HMGB1: variants seen among roughly 807,000 people sequenced by gnomAD.
The protein encoded by HMGB1 is high mobility group protein B1.
For missense variants in HMGB1, 79 were observed against 253.5 expected (o/e 0.31, Z 4.67); for synonymous variants, 81 against 84.0 (o/e 0.96, Z 0.19).
At chr13:30,531,827 G>A (rs1888503312) in intron 1 of HMGB1, among the ~76,000 whole-genome samples, 1 of 149,098 alleles carries the variant, frequency 6.7e-6, no homozygotes, top group Non-Finnish European at 1.5e-5. Flanking sequence ...AACCCAGGAG[G>A]TGTAGGTTGC....
At chr13:30,488,177 G>A (rs184417049) in intron 1 of HMGB1, among the ~76,000 whole-genome samples, 1 of 152,238 alleles carries the variant, frequency 6.6e-6, no homozygotes, top group East Asian at 1.9e-4. Flanking sequence ...AAATACACCA[G>A]GTGGTCATAC....
intron 1 of HMGB1, among the ~76,000 whole-genome samples, chr13:30,482,303 A>G (rs114289765): frequency 0.019 from 2,932 of 152,272 alleles, 97 homozygotes; most frequent in African/African-American, 0.067. Flanking sequence ...AAGATTAAAT[A>G]AAACAAAAAC....
At chr13:30,545,803 C>T (rs1029264961) in intron 1 of HMGB1, among the ~76,000 whole-genome samples, 4 of 152,140 alleles carry the variant, frequency 2.6e-5, no homozygotes, top group African/African-American at 9.7e-5. Context: ...TCAAGAGATC[C>T]TCCTGCCTCA....
chr13:30,559,265 T>C lies in HMGB1; in HGVS notation c.-15+57406A>G, dbSNP rs1004490690. On this transcript the variant is annotated intron_variant, in intron 1 of 4. Transcript: ENST00000405805. This position sits in a 1 kb window ranked among gnomAD's most constrained non-coding sequence, Gnocchi z 6.6. The stretch of plus-strand genomic sequence containing the variant: ...ACTCCAAGGCCAGTGCTTCCTGTGC[T>C]TCTAGAGTGGCTAGGGAAGCACACT... Among the ~76,000 whole-genome samples the C allele has an allele frequency of 6.6e-6, 1 of 152,116 alleles. No individual in the cohort carries two copies.
intron 1 of HMGB1, among the ~76,000 whole-genome samples, chr13:30,537,007 C>T (rs1410556569): frequency 2.6e-5 from 4 of 152,304 alleles, no homozygotes; most frequent in Non-Finnish European, 4.4e-5. Flanking sequence ...TCTGTCTTCC[C>T]TGTTCGTATA....
rs1458992533 is a variant in HMGB1 at position 30,462,527 on chromosome 13, A to G, written c.471+11T>C. ...TGTCATCATTTTACCAAGCAAACCC[A>G]CACTTCTTACCTTTTCATATTTTTC... On this transcript the variant is annotated intron_variant, in intron 4 of 4. Coordinates refer to ENST00000341423, the MANE Select transcript of HMGB1 (RefSeq NM_002128.7). 6 of 1,608,150 alleles carry G rather than the reference A, an allele frequency of 3.7e-6. No homozygotes were observed. The South Asian group carries it at 4.4e-5, about 12-fold the overall frequency.
intron 1 of HMGB1, among the ~76,000 whole-genome samples, chr13:30,606,188 T>C (rs1950456651): frequency 6.6e-6 from 1 of 152,222 alleles, no homozygotes; most frequent in Non-Finnish European, 1.5e-5. Flanking sequence ...TGTTTTTCTA[T>C]TCTAGAAGGA....
chr13:30,524,130 T>G (rs1225640102), intron 1 of HMGB1, among the ~76,000 whole-genome samples: 2 of 148,480 alleles, frequency 1.3e-5, no homozygotes, highest in African/African-American at 5.0e-5. Context: ...TAAGGGGGAG[T>G]TGAACAATGA....
chr13:30,538,720 T>TC (rs1566019302), intron 1 of HMGB1, among the ~76,000 whole-genome samples: 53 of 111,190 alleles, frequency 4.8e-4, no homozygotes, highest in African/African-American at 9.9e-4. Context: ...TCTTTCTTCT[T>TC]TTTCTTTCTT....
chr13:30,617,209 C>T (rs1332650803), exon 1 of HMGB1: 1 of 152,274 alleles, frequency 6.6e-6, no homozygotes, highest in Non-Finnish European at 1.5e-5. Flanking sequence ...TTCGCTGCTC[C>T]CCTTACCGTG....
At chr13:30,490,420 G>C (rs372468551) in intron 1 of HMGB1, among the ~76,000 whole-genome samples, 2 of 152,074 alleles carry the variant, frequency 1.3e-5, no homozygotes, top group East Asian at 3.9e-4. Context: ...AGGAGTTTGA[G>C]ACCAGCCTGG....
upstream of HMGB1, among the ~76,000 whole-genome samples, chr13:30,468,561 G>C (rs1348463992): frequency 6.6e-6 from 1 of 151,760 alleles, no homozygotes; most frequent in Admixed American, 6.6e-5. Context: ...GCCTTGTTTT[G>C]TTTTTTTTAA....
At chr13:30,613,388 C>T (rs1950530742) in intron 1 of HMGB1, among the ~76,000 whole-genome samples, 1 of 152,072 alleles carries the variant, frequency 6.6e-6, no homozygotes, top group African/African-American at 2.4e-5. Flanking sequence ...TAAATTCAAC[C>T]ATATATTATT....
chr13:30,538,344 G>C (rs1868549332), intron 1 of HMGB1, among the ~76,000 whole-genome samples: 1 of 152,104 alleles, frequency 6.6e-6, no homozygotes, highest in Non-Finnish European at 1.5e-5. Flanking sequence ...AGAAAAGGAG[G>C]GGAAAGAAAG....
intron 1 of HMGB1, among the ~76,000 whole-genome samples, chr13:30,487,782 G>A (rs1887396271): frequency 6.6e-6 from 1 of 152,150 alleles, no homozygotes; most frequent in Non-Finnish European, 1.5e-5. Context: ...TAAGACATAT[G>A]AACCCTTAAG....
chr13:30,484,811 AGAAGG>A (rs1377806548), intron 1 of HMGB1, among the ~76,000 whole-genome samples: 2 of 152,008 alleles, frequency 1.3e-5, no homozygotes, highest in African/African-American at 4.8e-5. Flanking sequence ...GGAAGAAAAG[AGAAGG>A]GAAGAGAAGA....
At chr13:30,542,593 C>A (rs1157756854) in intron 1 of HMGB1, 1 of 159,836 alleles carries the variant, frequency 6.3e-6, no homozygotes, top group East Asian at 1.9e-4. Flanking sequence ...GCCGGCCAAT[C>A]TCTCTTCCTC....
rs866220480 is a variant in HMGB1, at chr13:30,459,332, T to C, written c.*2025A>G. 1 of 152,194 alleles carries C rather than the reference T, an allele frequency of 6.6e-6. No individual in the cohort carries two copies. The highest frequency in any genetic ancestry group is 1.5e-5 in the Non-Finnish European group (1 of 68,022). 9.4% of individuals were successfully genotyped at this position (152,194 alleles called of 1,614,324 possible). ...GGTCAAGAATAAACCCTAAAAAAACTGTTCCCATTCTCAACATCTTAAAAA... is the reference window on the plus strand; with the variant it reads ...GGTCAAGAATAAACCCTAAAAAAACCGTTCCCATTCTCAACATCTTAAAAA... On this transcript the variant is annotated 3_prime_UTR_variant, in exon 5 of 5. Coordinates refer to ENST00000341423, the MANE Select transcript of HMGB1 (RefSeq NM_002128.7).
At chr13:30,613,965 T>C (rs1950536988) in intron 1 of HMGB1, among the ~76,000 whole-genome samples, 1 of 151,646 alleles carries the variant, frequency 6.6e-6, no homozygotes, top group African/African-American at 2.4e-5. Context: ...AAATGGAAGA[T>C]TATGCAGCCA....
Sources: allele counts gnomAD v4.1 joint callset (sites outside exome capture counted in the v4.1 genomes callset), GRCh38; gene constraint gnomAD v4.1.1; non-coding constraint Gnocchi (gnomAD v3.1); transcripts MANE v1.5; gene names NCBI Gene and HGNC (gene_info 2026-07-23, HGNC 2026-07-21).